The following COL5A2 variants were observed in gnomAD, a reference collection of about 807,000 sequenced individuals.
COL5A2 encodes the protein collagen alpha-2(V) chain.
Under a neutral mutation model 208.2 loss-of-function variants are expected in COL5A2, and 23 were observed. The ratio of observed to expected loss-of-function variants is 0.11; its 90% CI spans 0.08 to 0.16. The LOEUF is 0.16. Among genes scored for constraint, COL5A2 ranks in the 10% least tolerant of loss-of-function variants. The pLI, the probability that COL5A2 is intolerant of heterozygous loss-of-function variation, is 1.00. For missense variants in COL5A2, 1,590 were observed against 1,956.4 expected, an observed-to-expected ratio of 0.81 and a Z score of 3.53; for synonymous variants, 625 against 628.5, an observed-to-expected ratio of 0.99 and a Z score of 0.08.
intron 1 of COL5A2, among the ~76,000 whole-genome samples, chr2:189,218,497 C>T (rs1223376728): frequency 6.6e-6 from 1 of 152,124 alleles, no homozygotes; most frequent in Non-Finnish European, 1.5e-5. Flanking sequence ...GAGCATGGCC[C>T]TGCCAACACC....
chr2:189,257,660 A>C, the COL5A2 span, among the ~76,000 whole-genome samples: 1 of 152,196 alleles, frequency 6.6e-6, no homozygotes, highest in Non-Finnish European at 1.5e-5. Flanking sequence ...AGATCTTGGA[A>C]ATAGAAAGAA....
the COL5A2 span, among the ~76,000 whole-genome samples, chr2:189,240,978 T>G: frequency 6.6e-6 from 1 of 152,332 alleles, no homozygotes; most frequent in South Asian, 2.1e-4. Context: ...TCCCACAAAT[T>G]GGACTTCAAA....
chr2:189,397,037 T>G, the COL5A2 span, among the ~76,000 whole-genome samples: 1 of 151,748 alleles, frequency 6.6e-6, no homozygotes, highest in Non-Finnish European at 1.5e-5. Context: ...TATAAACGTT[T>G]CTAGCATAGA....
the COL5A2 span, among the ~76,000 whole-genome samples, chr2:189,420,548 C>T: frequency 6.6e-6 from 1 of 151,694 alleles, no homozygotes; most frequent in Non-Finnish European, 1.5e-5. Context: ...TAGTATATGT[C>T]CCCCAAATAT....
the COL5A2 span, among the ~76,000 whole-genome samples, chr2:189,235,403 G>A: frequency 6.6e-6 from 1 of 151,486 alleles, no homozygotes; most frequent in South Asian, 2.1e-4. Context: ...TATTGCTATA[G>A]AACATAATAT....
the COL5A2 span, among the ~76,000 whole-genome samples, chr2:189,405,813 A>ATT: frequency 6.6e-6 from 1 of 152,344 alleles, no homozygotes; most frequent in African/African-American, 2.4e-5. Flanking sequence ...TTTTAGTCAA[A>ATT]TATCTCTATT....
the COL5A2 span, among the ~76,000 whole-genome samples, chr2:189,296,286 G>C: frequency 1.3e-5 from 2 of 151,876 alleles, no homozygotes; most frequent in Admixed American, 1.3e-4. Flanking sequence ...TTGGTTTTTT[G>C]TTTGTTTTTT....
chr2:189,415,536 T>G, the COL5A2 span, among the ~76,000 whole-genome samples: 1 of 152,234 alleles, frequency 6.6e-6, no homozygotes, highest in African/African-American at 2.4e-5. Context: ...TTCTACTTGG[T>G]CAGTGGATTT....
At chr2:189,069,019 G>A (rs976710093) in intron 18 of COL5A2, 135 bp from the exon 19 acceptor site, 7 of 709,488 alleles carry the variant, frequency 9.9e-6, no homozygotes, top group African/African-American at 5.3e-5. Context: ...CAAGAGATGC[G>A]TGCCCAACCA....
intron 1 of COL5A2, among the ~76,000 whole-genome samples, chr2:189,135,991 A>G (rs1026493893): frequency 3.9e-5 from 6 of 152,210 alleles, no homozygotes; most frequent in Admixed American, 1.3e-4. Flanking sequence ...CAGCAGAGAA[A>G]GAGGTCCACC....
At chr2:189,374,876 T>C in the COL5A2 span, among the ~76,000 whole-genome samples, 1 of 152,170 alleles carries the variant, frequency 6.6e-6, no homozygotes, top group Non-Finnish European at 1.5e-5. Flanking sequence ...TTAAAAATAC[T>C]TTCTAAACAA....
chr2:189,428,512 G>A, the COL5A2 span, among the ~76,000 whole-genome samples: 2 of 152,144 alleles, frequency 1.3e-5, no homozygotes, highest in Non-Finnish European at 2.9e-5. Context: ...CAGCTATTTG[G>A]AAGGCTGAGG....
intron 16 of COL5A2, among the ~76,000 whole-genome samples, chr2:189,078,182 T>C (rs887263510): frequency 7.9e-5 from 12 of 152,190 alleles, no homozygotes; most frequent in African/African-American, 2.2e-4. Context: ...CCTATTATTG[T>C]AATTTCATTA....
the COL5A2 span, among the ~76,000 whole-genome samples, chr2:189,240,754 T>C: frequency 4.6e-5 from 7 of 152,156 alleles, no homozygotes; most frequent in African/African-American, 1.4e-4. Context: ...TTTCCAAACC[T>C]TTACATGTTA....
chr2:189,174,314 A>C (rs1300847917), intron 1 of COL5A2, among the ~76,000 whole-genome samples: 1 of 152,246 alleles, frequency 6.6e-6, no homozygotes, highest in Non-Finnish European at 1.5e-5. Context: ...AAACACATGC[A>C]AATGGCATGT....
the COL5A2 span, among the ~76,000 whole-genome samples, chr2:189,231,092 T>A: frequency 6.6e-6 from 1 of 151,946 alleles, no homozygotes; most frequent in Admixed American, 6.6e-5. Flanking sequence ...AAATACTGCA[T>A]GATTCTACTT....
the COL5A2 span, among the ~76,000 whole-genome samples, chr2:189,305,760 G>A: frequency 1.3e-5 from 2 of 150,472 alleles, no homozygotes; most frequent in South Asian, 2.1e-4. Flanking sequence ...GCTAATTGGC[G>A]ACAAGTTGAT....
chr2:189,312,585 C>G, the COL5A2 span, among the ~76,000 whole-genome samples: 1 of 152,138 alleles, frequency 6.6e-6, no homozygotes, highest in Non-Finnish European at 1.5e-5. Flanking sequence ...TTGCCAATGA[C>G]CCAGACAACT....
chr2:189,193,603 T>A (rs1245867226), intron 1 of COL5A2, among the ~76,000 whole-genome samples: 1 of 152,156 alleles, frequency 6.6e-6, no homozygotes, highest in African/African-American at 2.4e-5. Flanking sequence ...AAACCTCATT[T>A]TATAGATAAC....
Sources: allele counts gnomAD v4.1 joint callset (sites outside exome capture counted in the v4.1 genomes callset), GRCh38; gene constraint gnomAD v4.1.1; transcripts MANE v1.5; gene names NCBI Gene and HGNC (gene_info 2026-07-23, HGNC 2026-07-21).